SKAP1: variants seen among roughly 807,000 people sequenced by gnomAD.
The protein encoded by SKAP1 is src kinase-associated phosphoprotein 1.
Under a neutral mutation model 58.5 loss-of-function variants are expected in SKAP1, and 44 were observed. The ratio of observed to expected loss-of-function variants is 0.75; its 90% CI spans 0.59 to 0.97. The LOEUF (loss-of-function observed/expected upper bound fraction) is 0.97, where lower values mean the gene tolerates loss of function less well. Among genes scored for constraint, SKAP1 ranks in the 50% least tolerant of loss-of-function variants. SKAP1 has a pLI of 0.00. For missense variants in SKAP1, 390 were observed against 435.2 expected (o/e 0.90, Z 0.92); for synonymous variants, 127 against 149.7 (o/e 0.85, Z 1.11).
chr17:48,398,279 C>T, intron 1 of SKAP1, among the ~76,000 whole-genome samples: 1 of 152,030 alleles, frequency 6.6e-6, no homozygotes. Flanking sequence ...GGAGCACAAA[C>T]CCTATTGTGA....
chr17:48,278,429 T>G (rs4794561), intron 4 of SKAP1, among the ~76,000 whole-genome samples: 26,295 of 152,214 alleles, frequency 0.17, 2,323 homozygotes, highest in Non-Finnish European at 0.19. Context: ...CAACGAGACC[T>G]CAATTATAAT....
At position 48,314,879 on chromosome 17, in the gene SKAP1, C is replaced by G. The variant is rs577786620; in HGVS notation, c.280+31026G>C. Among the ~76,000 whole-genome samples the G allele has an allele frequency of 1.2e-3, 179 of 152,298 alleles. 2 individuals are homozygous for G. Among genetic ancestry groups the G allele is most frequent in the South Asian group, 3.1e-3 (15 of 4,828 alleles). ...TTTCTTTGATGAAAGCAACACATAG[C>G]CAGATGGCTGGGATCCATGTTAAAA... On this transcript the variant is annotated intron_variant, in intron 4 of 12. Transcript: ENST00000336915.
intron 4 of SKAP1, among the ~76,000 whole-genome samples, chr17:48,306,408 G>C (rs966247478): frequency 6.6e-6 from 1 of 152,074 alleles, no homozygotes. Context: ...GTTCATAAGA[G>C]GACTTACTTC....
At chr17:48,157,143 G>A (rs553971283) in intron 11 of SKAP1, among the ~76,000 whole-genome samples, 1 of 152,160 alleles carries the variant, frequency 6.6e-6, no homozygotes, top group African/African-American at 2.4e-5. Flanking sequence ...GGAGATTTTT[G>A]CCCAGGGTCA....
chr17:48,198,723 A>C (rs1299917175), intron 4 of SKAP1, among the ~76,000 whole-genome samples: 2 of 152,188 alleles, frequency 1.3e-5, no homozygotes, highest in Non-Finnish European at 2.9e-5. Flanking sequence ...TGGGTTAAGC[A>C]TATGTGTCTT....
chr17:48,312,339 T>G (rs1408154447), intron 4 of SKAP1, among the ~76,000 whole-genome samples: 1 of 152,218 alleles, frequency 6.6e-6, no homozygotes, highest in East Asian at 1.9e-4. Context: ...AGTAATTAAG[T>G]AATTTGTTTT....
chr17:48,170,794 T>A (rs2064199912), intron 9 of SKAP1, 135 bp from the exon 10 acceptor site: 2 of 743,526 alleles, frequency 2.7e-6, no homozygotes, highest in Non-Finnish European at 2.2e-6. Context: ...CACTGCAAAT[T>A]CCACGTCTGG....
intron 4 of SKAP1, among the ~76,000 whole-genome samples, chr17:48,273,203 T>A (rs575386676): frequency 1.3e-5 from 2 of 152,304 alleles, no homozygotes; most frequent in African/African-American, 4.8e-5. Flanking sequence ...TCTATTACAC[T>A]CCTGCAATTC....
At chr17:48,423,609 A>G (rs1201790802) in intron 1 of SKAP1, among the ~76,000 whole-genome samples, 1 of 152,196 alleles carries the variant, frequency 6.6e-6, no homozygotes, top group Non-Finnish European at 1.5e-5. Context: ...AATTTAATTA[A>G]TAATTTAAAT....
chr17:48,360,001 T>G (rs1475372365), intron 3 of SKAP1, among the ~76,000 whole-genome samples: 1 of 152,210 alleles, frequency 6.6e-6, no homozygotes, highest in Non-Finnish European at 1.5e-5. Flanking sequence ...TAGAATTTTT[T>G]CATAATGAAA....
intron 4 of SKAP1, among the ~76,000 whole-genome samples, chr17:48,200,064 C>T (rs1220705828): frequency 1.3e-5 from 2 of 151,570 alleles, no homozygotes; most frequent in Non-Finnish European, 2.9e-5. Context: ...CCGAGGTGGG[C>T]AGATCACAAG....
intron 3 of SKAP1, among the ~76,000 whole-genome samples, chr17:48,352,406 T>C (rs572826339): frequency 6.6e-6 from 1 of 152,240 alleles, no homozygotes; most frequent in African/African-American, 2.4e-5. Flanking sequence ...TAATTCAAAA[T>C]ATATAAACCT....
intron 11 of SKAP1, among the ~76,000 whole-genome samples, chr17:48,139,225 G>A (rs929998375): frequency 6.8e-6 from 1 of 147,006 alleles, no homozygotes; most frequent in Non-Finnish European, 1.5e-5. Flanking sequence ...TCTTTTGCCC[G>A]GTCTGGAGTG....
chr17:48,244,287 C>T (rs1404602664), intron 4 of SKAP1, among the ~76,000 whole-genome samples: 1 of 152,168 alleles, frequency 6.6e-6, no homozygotes, highest in Non-Finnish European at 1.5e-5. Flanking sequence ...TAACAAAGTC[C>T]TTCCTTCCTC....
At chr17:48,266,503 T>C (rs1271408615) in intron 4 of SKAP1, among the ~76,000 whole-genome samples, 1 of 151,434 alleles carries the variant, frequency 6.6e-6, no homozygotes, top group Non-Finnish European at 1.5e-5. Flanking sequence ...TTTTTTTCTT[T>C]TCTTACTTTC....
chr17:48,137,375 G>A (rs747589246), intron 11 of SKAP1, 38 bp from the exon 12 acceptor site: 2 of 1,391,204 alleles, frequency 1.4e-6, no homozygotes, highest in African/African-American at 2.8e-5. Flanking sequence ...GTTAGAATTT[G>A]TTCATGCTTC....
chr17:48,433,210 G>A (rs1039875925), upstream of SKAP1, among the ~76,000 whole-genome samples: 27 of 152,136 alleles, frequency 1.8e-4, no homozygotes, highest in East Asian at 3.8e-4. Flanking sequence ...ATCCAATTTC[G>A]CAGGAAGCCA....
At position 48,358,202 on chromosome 17, in the gene SKAP1, G is replaced by T. The variant is rs887816968; in HGVS notation, c.178+5587C>A. Among the ~76,000 whole-genome samples the T allele has an allele frequency of 5.3e-5, 8 of 152,198 alleles. No homozygotes were observed. The South Asian group carries it at 1.7e-3, about 32-fold the overall frequency. On this transcript the variant is annotated intron_variant, in intron 3 of 12. Transcript: ENST00000336915. ...ATTTGCAAACACGTCATAAATTTGG[G>T]CTGTGTTTCTTTGTATAAATCCTAC...
intron 4 of SKAP1, among the ~76,000 whole-genome samples, chr17:48,285,942 G>A (rs2065824725): frequency 6.6e-6 from 1 of 152,142 alleles, no homozygotes; most frequent in Admixed American, 6.5e-5. Context: ...AATGGGCATG[G>A]TAATATCTAC....
Sources: gnomAD v4.1 joint callset for allele counts (sites outside exome capture counted in the v4.1 genomes callset) on GRCh38, gnomAD v4.1.1 for gene constraint, MANE v1.5 for transcripts, NCBI Gene and HGNC (gene_info 2026-07-23, HGNC 2026-07-21) for gene names.